CDH23: variants seen among roughly 807,000 people sequenced by gnomAD.
CDH23 encodes the protein cadherin-23.
In CDH23, 189 loss-of-function variants were observed where a neutral mutation model predicts 317.1. The ratio of observed to expected loss-of-function variants is 0.60; its 90% CI spans 0.53 to 0.67. CDH23 has a LOEUF of 0.67. Among genes scored for constraint, CDH23 ranks in the 30% least tolerant of loss-of-function variants. The pLI, the probability that CDH23 is intolerant of heterozygous loss-of-function variation, is 0.00. For synonymous variants in CDH23, 1,839 were observed against 1,876.8 expected (o/e 0.98, Z 0.52); for missense variants, 4,401 against 4,592.4 (o/e 0.96, Z 1.20).
At chr10:71,532,545 C>A (rs528330983) in intron 6 of CDH23, among the ~76,000 whole-genome samples, 17 of 152,276 alleles carry the variant, frequency 1.1e-4, no homozygotes, top group Admixed American at 2.6e-4. Flanking sequence ...ACGGCAGAAG[C>A]CCTCCCAGAG....
Position 71,739,691 on chromosome 10 carries a change from C to A in CDH23, c.4407C>A (p.Ile1469=), listed in dbSNP as rs772041520. 6.2e-7 allele frequency: 1 copy of A among 1,613,344 alleles called. No individual in the cohort carries two copies. Among genetic ancestry groups the A allele is most frequent in the South Asian group, 1.1e-5 (1 of 90,924 alleles). ...GCAACATCGCGGGGGCCTTTGAGAT[C>A]GTCACCACCAATGACTCCATTGGCG... is the stretch of plus-strand genomic sequence containing the variant. ...ASGNIAGAFE[I]VTTNDSIGEV... Residue 1469 remains isoleucine, a synonymous_variant, in exon 36 of 70, where the codon ATC becomes ATA. Coordinates refer to ENST00000224721, the MANE Select transcript of CDH23 (RefSeq NM_022124.6).
intron 6 of CDH23, among the ~76,000 whole-genome samples, chr10:71,537,273 C>T (rs1467534219): frequency 6.6e-6 from 1 of 152,092 alleles, no homozygotes; most frequent in Non-Finnish European, 1.5e-5. Flanking sequence ...GGTTATGTTT[C>T]GGAGCCAAAT....
chr10:71,666,272 C>T (rs151036405), intron 14 of CDH23, among the ~76,000 whole-genome samples: 14 of 152,138 alleles, frequency 9.2e-5, no homozygotes, highest in African/African-American at 3.4e-4. Context: ...GCACGAGAGC[C>T]TTTTCCTGTG....
At chr10:71,798,253 G>A (rs1378787650) in intron 49 of CDH23, 101 bp from the exon 50 acceptor site, 8 of 827,534 alleles carry the variant, frequency 9.7e-6, no homozygotes, top group Non-Finnish European at 1.6e-5. Flanking sequence ...GGGGGCTGTG[G>A]GATGCTGCCA....
chr10:71,408,249 T>C (rs764440315), intron 1 of CDH23, among the ~76,000 whole-genome samples: 1 of 152,192 alleles, frequency 6.6e-6, no homozygotes, highest in South Asian at 2.1e-4. Flanking sequence ...CAGGATACTA[T>C]GCAGGGCACA....
intron 11 of CDH23, among the ~76,000 whole-genome samples, chr10:71,621,800 T>C (rs1221035375): frequency 6.6e-6 from 1 of 152,206 alleles, no homozygotes; most frequent in South Asian, 2.1e-4. Flanking sequence ...TGCTAGACCA[T>C]TCACAACAAC....
chr10:71,761,456 C>T, intron 38 of CDH23: 1 of 1,013,680 alleles, frequency 9.9e-7, no homozygotes. Flanking sequence ...CTTGACCACC[C>T]CATCTCACCC....
intron 22 of CDH23, among the ~76,000 whole-genome samples, chr10:71,698,995 G>C (rs1317037907): frequency 1.3e-5 from 2 of 152,168 alleles, no homozygotes; most frequent in African/African-American, 2.4e-5. Flanking sequence ...CCACCCGATA[G>C]AACTGTGATC....
intron 3 of CDH23, among the ~76,000 whole-genome samples, chr10:71,488,714 G>A (rs1315332464): frequency 1.3e-5 from 2 of 152,214 alleles, no homozygotes; most frequent in African/African-American, 2.4e-5. Flanking sequence ...GGACATATGT[G>A]CCCTGCAACT....
intron 6 of CDH23, among the ~76,000 whole-genome samples, chr10:71,540,665 T>C (rs894055744): frequency 6.6e-6 from 1 of 152,126 alleles, no homozygotes; most frequent in Non-Finnish European, 1.5e-5. Flanking sequence ...AGTCTCCACC[T>C]ACCGTCTCTC....
chr10:71,437,979 A>G (rs1194864665), intron 1 of CDH23, among the ~76,000 whole-genome samples: 5 of 152,208 alleles, frequency 3.3e-5, no homozygotes, highest in Non-Finnish European at 5.9e-5. Context: ...AACTCAAGGC[A>G]GTGGAAACAC....
intron 14 of CDH23, among the ~76,000 whole-genome samples, chr10:71,661,406 C>G (rs1455633605): frequency 6.6e-6 from 1 of 152,184 alleles, no homozygotes; most frequent in Non-Finnish European, 1.5e-5. Context: ...GTTTGACTCA[C>G]TGAATGACCC....
intron 9 of CDH23, among the ~76,000 whole-genome samples, chr10:71,608,423 T>C (rs567317078): frequency 4.1e-4 from 62 of 152,286 alleles, no homozygotes; most frequent in African/African-American, 1.4e-3. Flanking sequence ...TTTAAAGAGA[T>C]GGCTGCTTAG....
At chr10:71,618,898 C>T (rs959302327) in intron 11 of CDH23, among the ~76,000 whole-genome samples, 2 of 152,076 alleles carry the variant, frequency 1.3e-5, no homozygotes, top group African/African-American at 4.8e-5. Flanking sequence ...GCATTCCATA[C>T]CTATCTGTCT....
At position 71,695,542 on chromosome 10, in the gene CDH23, C is replaced by A. The variant is rs754849821; in HGVS notation, c.2397+17C>A. The stretch of plus-strand genomic sequence containing the variant: ...GTGACCACGGTAGGTGGTGGCAGAG[C>A]AGCAGAACTGCCAGGCGGCCCTTCC... On this transcript the variant is annotated intron_variant, in intron 22 of 69. Coordinates refer to ENST00000224721, the MANE Select transcript of CDH23 (RefSeq NM_022124.6). 3.5e-5 allele frequency: 55 copies of A among 1,570,088 alleles called. No individual in the cohort carries two copies. Among genetic ancestry groups the A allele is most frequent in the Non-Finnish European group, 4.7e-5 (54 of 1,139,896 alleles).
chr10:71,449,348 TAGACACCC>T (rs1260396791), intron 3 of CDH23, among the ~76,000 whole-genome samples: 1 of 152,120 alleles, frequency 6.6e-6, no homozygotes, highest in Non-Finnish European at 1.5e-5. Flanking sequence ...GGCTTCTCCT[TAGACACCC>T]AGTGATGGTC....
At chr10:71,430,190 A>C (rs1849303161) in intron 1 of CDH23, among the ~76,000 whole-genome samples, 1 of 152,040 alleles carries the variant, frequency 6.6e-6, no homozygotes, top group Non-Finnish European at 1.5e-5. Context: ...CTGGTGAGCC[A>C]GGGGATAGGA....
At chr10:71,717,425 T>C (rs1220348902) in intron 28 of CDH23, 2 of 151,970 alleles carry the variant, frequency 1.3e-5, no homozygotes, top group Non-Finnish European at 1.5e-5. Flanking sequence ...CCACAAGGAG[T>C]TGACAAGGGG....
intron 1 of CDH23, among the ~76,000 whole-genome samples, chr10:71,428,547 G>T (rs1330219035): frequency 1.3e-5 from 2 of 151,858 alleles, no homozygotes; most frequent in Admixed American, 6.6e-5. Context: ...GGTAGTGATG[G>T]TGAGCATTGT....
Sources: gnomAD v4.1 joint callset for allele counts (sites outside exome capture counted in the v4.1 genomes callset) on GRCh38, gnomAD v4.1.1 for gene constraint, MANE v1.5 for transcripts, NCBI Gene and HGNC (gene_info 2026-07-23, HGNC 2026-07-21) for gene names.